SCAF8: variants seen among roughly 807,000 people sequenced by gnomAD.
SCAF8 encodes SR-related and CTD-associated factor 8.
In SCAF8, 23 loss-of-function variants were observed where a neutral mutation model predicts 140.5. The ratio of observed to expected loss-of-function variants is 0.16; its 90% confidence interval spans 0.12 to 0.23. The LOEUF is 0.23. Among genes scored for constraint, SCAF8 ranks in the 10% least tolerant of loss-of-function variants. The probability of loss-of-function intolerance (pLI) is 1.00; values close to 1 mark genes in which losing one functional copy is unlikely to be tolerated. For synonymous variants in SCAF8, 575 were observed against 528.9 expected, an observed-to-expected ratio of 1.09 and a Z score of -1.20; for missense variants, 1,397 against 1,555.7, an observed-to-expected ratio of 0.90 and a Z score of 1.72.
chr6:154,807,946 G>A, intron 9 of SCAF8, 124 bp from the exon 10 acceptor site: 1 of 769,280 alleles, frequency 1.3e-6, no homozygotes, highest in East Asian at 2.8e-5. Flanking sequence ...GATTTAACAT[G>A]GAATTTCTTT....
At chr6:154,800,445 C>G (rs1386001428) in intron 6 of SCAF8, among the ~76,000 whole-genome samples, 1 of 151,544 alleles carries the variant, frequency 6.6e-6, no homozygotes, top group Non-Finnish European at 1.5e-5. Context: ...AGTTAAATGG[C>G]AGACTTAAGT....
chr6:154,762,117 T>C (rs943823534), intron 1 of SCAF8, among the ~76,000 whole-genome samples: 3 of 152,244 alleles, frequency 2.0e-5, no homozygotes, highest in African/African-American at 4.8e-5. Flanking sequence ...CATTCACTTA[T>C]TTCTTCTACT....
intron 6 of SCAF8, among the ~76,000 whole-genome samples, chr6:154,796,394 T>TCTGTCTGA (rs1224084234): frequency 6.7e-6 from 1 of 149,792 alleles, no homozygotes; most frequent in Non-Finnish European, 1.5e-5. Context: ...TCTCTCTCTG[T>TCTGTCTGA]CTCTCTCTTT....
At chr6:154,752,491 A>T (rs1583002861) in intron 1 of SCAF8, among the ~76,000 whole-genome samples, 1 of 147,880 alleles carries the variant, frequency 6.8e-6, no homozygotes, top group Non-Finnish European at 1.5e-5. Flanking sequence ...GGGAATTTTA[A>T]TTTTTTTTTT....
chr6:154,818,396 A>G, intron 13 of SCAF8, 83 bp from the exon 14 acceptor site: 1 of 587,144 alleles, frequency 1.7e-6, no homozygotes, highest in South Asian at 2.9e-5. Flanking sequence ...GTAAGTAGTC[A>G]ATGTTTTGTG....
rs150407289 is a variant in SCAF8, at chr6:154,828,438, G to T, written c.2140+1198G>T. Among the ~76,000 whole-genome samples, 110 of 151,416 alleles carry T rather than the reference G, an allele frequency of 7.3e-4. 2 individuals are homozygous for T. The East Asian group carries it at 0.016, about 22-fold the overall frequency. ...ATTTCTCTTCATCTTCTCCTCCCTT[G>T]TCCCTCTCTCCCTTTTTTTTTTCTC... On this transcript the variant is annotated intron_variant, in intron 18 of 19. Coordinates refer to ENST00000367178, the MANE Select transcript of SCAF8 (RefSeq NM_014892.5).
intron 1 of SCAF8, chr6:154,741,897 G>A: frequency 8.5e-7 from 1 of 1,180,808 alleles, no homozygotes; most frequent in Non-Finnish European, 1.2e-6. Flanking sequence ...GAACTTTTAA[G>A]TGAGCTCATT....
intron 3 of SCAF8, among the ~76,000 whole-genome samples, chr6:154,779,030 G>T (rs1256794589): frequency 6.6e-6 from 1 of 151,736 alleles, no homozygotes; most frequent in Admixed American, 6.6e-5. Flanking sequence ...GTTTTGTTTT[G>T]GTTTTTTTGT....
Position 154,792,949 on chromosome 6 carries a change from A to C in SCAF8, c.448A>C (p.Thr150Pro). ...PPVVTPVLAS[T>P]TTAMSNTPGT... ...AGTTGTCACACCTGTTTTGGCCAGC[A>C]CTACCACTGCTATGAGCAATACTCC... Residue 150 changes from threonine (T) to proline (P), a missense_variant, in exon 5 of 20, where the codon ACT becomes CCT. Coordinates refer to ENST00000367178, the MANE Select transcript of SCAF8 (RefSeq NM_014892.5). The C allele has an allele frequency of 6.2e-7, 1 of 1,613,782 alleles. No individual in the cohort carries two copies.
At chr6:154,746,306 C>G (rs1057011756) in intron 1 of SCAF8, among the ~76,000 whole-genome samples, 1 of 152,116 alleles carries the variant, frequency 6.6e-6, no homozygotes, top group African/African-American at 2.4e-5. Flanking sequence ...TTTGAGTTGT[C>G]TTATTCTCTA....
intron 1 of SCAF8, among the ~76,000 whole-genome samples, chr6:154,735,597 T>C (rs1778395177): frequency 6.8e-6 from 1 of 146,950 alleles, no homozygotes; most frequent in African/African-American, 2.5e-5. Context: ...CACTGTAGCC[T>C]CCACCTCCCG....
Position 154,818,521 on chromosome 6 carries a change from C to T in SCAF8, c.1564C>T (p.Arg522Ter), listed in dbSNP as rs1186303831. ...CTGTGCTTATGTCTGCATGGTTCATCGACAAGATGCATTTCGAGCTCTTCA... is the reference window on the plus strand; with the variant it reads ...CTGTGCTTATGTCTGCATGGTTCATTGACAAGATGCATTTCGAGCTCTTCA... ...RGCAYVCMVHRQDAFRALQKL... is the reference protein window; with the variant it reads ...RGCAYVCMVH Residue 522 changes from arginine to a stop codon, truncating the protein, a stop_gained, in exon 14 of 20, where the codon CGA becomes TGA. Transcript: ENST00000367178. LOFTEE classifies it high-confidence loss of function. The T allele has an allele frequency of 6.2e-7, 1 of 1,609,582 alleles. No individual in the cohort carries two copies. Among genetic ancestry groups the T allele is most frequent in the Admixed American group, 1.7e-5 (1 of 59,278 alleles).
chr6:154,832,176 C>A lies in SCAF8; in HGVS notation c.2597C>A (p.Ser866Tyr). The change falls in exon 20 of 20, where the codon TCT (serine) becomes TAT (tyrosine). Residue 866 changes from serine to tyrosine, a missense_variant. Ser to Tyr is a moderately radical substitution (Grantham distance 144). Coordinates refer to ENST00000367178, the MANE Select transcript of SCAF8 (RefSeq NM_014892.5). Reference protein sequence around the residue: ...GIQPPSVSNSSGLLGVLPPNI... With the variant: ...GIQPPSVSNSYGLLGVLPPNI... ...CAGCCACCCAGTGTGTCAAATAGTT[C>A]TGGACTTTTGGGAGTGCTACCCCCA... The A allele has an allele frequency of 6.2e-7, 1 of 1,614,104 alleles. No homozygotes were observed.
At chr6:154,756,397 T>C (rs1235207156) in intron 1 of SCAF8, among the ~76,000 whole-genome samples, 2 of 152,244 alleles carry the variant, frequency 1.3e-5, no homozygotes, top group African/African-American at 2.4e-5. Context: ...TCTCCCGCTC[T>C]ACCTCAGTAG....
chr6:154,771,765 T>C (rs1776774921), intron 1 of SCAF8, among the ~76,000 whole-genome samples: 1 of 152,128 alleles, frequency 6.6e-6, no homozygotes, highest in Non-Finnish European at 1.5e-5. Flanking sequence ...GTTGAAAAAC[T>C]GTTGGGCACT....
chr6:154,765,920 A>T (rs182166205), intron 1 of SCAF8, among the ~76,000 whole-genome samples: 10 of 152,098 alleles, frequency 6.6e-5, no homozygotes, highest in Admixed American at 3.3e-4. Context: ...AGGGGCGCCA[A>T]CCCCCGTGTA....
At chr6:154,764,330 T>G (rs1776500995) in intron 1 of SCAF8, among the ~76,000 whole-genome samples, 2 of 151,958 alleles carry the variant, frequency 1.3e-5, no homozygotes, top group South Asian at 4.2e-4. Flanking sequence ...ATATTTTCAT[T>G]GAAATGATAA....
At chr6:154,734,358 G>A (rs1778351645) in intron 1 of SCAF8, among the ~76,000 whole-genome samples, 1 of 152,212 alleles carries the variant, frequency 6.6e-6, no homozygotes, top group Non-Finnish European at 1.5e-5. Context: ...GGCTAACACC[G>A]ATTGGGGGCG....
In SCAF8 at chr6:154,833,205, A is replaced by G. The variant is rs1778804030; in HGVS notation, c.3626A>G (p.Asp1209Gly). The change falls in exon 20 of 20, where the codon GAT becomes GGT. Residue 1209 changes from aspartate to glycine, a missense_variant. By Grantham distance (94) the Asp-to-Gly change is moderately conservative. Coordinates refer to ENST00000367178, the MANE Select transcript of SCAF8 (RefSeq NM_014892.5). ...FEGATSQRKG[D>G]NVPQVNGENT... ...GGGGCCACTTCTCAACGAAAAGGTG[A>G]TAATGTGCCTCAGGTTAATGGTGAA... The G allele has an allele frequency of 2.5e-6, 4 of 1,613,968 alleles. No homozygotes were observed. The highest frequency in any genetic ancestry group is 1.1e-5 in the South Asian group (1 of 91,074).
Sources: gnomAD v4.1 joint callset for allele counts (sites outside exome capture counted in the v4.1 genomes callset) on GRCh38, gnomAD v4.1.1 for gene constraint, MANE v1.5 for transcripts, NCBI Gene and HGNC (gene_info 2026-07-23, HGNC 2026-07-21) for gene names.